The following CD6 variants were observed in gnomAD, a reference collection of about 807,000 sequenced individuals.
CD6 encodes the protein T-cell differentiation antigen CD6.
CD6 carries 53 observed loss-of-function variants against 75.3 expected under a neutral mutation model. The observed-to-expected ratio is 0.70, with a 90% CI of 0.56 to 0.88. The LOEUF (loss-of-function observed/expected upper bound fraction) is 0.88. Ranked by LOEUF, CD6 falls within the 40% of genes least tolerant of loss-of-function variation. CD6 has a pLI of 0.00. For synonymous variants in CD6, 359 were observed against 381.5 expected (o/e 0.94, Z 0.69); for missense variants, 770 against 897.1 (o/e 0.86, Z 1.81).
intron 1 of CD6, among the ~76,000 whole-genome samples, chr11:60,972,517 G>T (rs940381711): frequency 1.3e-5 from 2 of 152,166 alleles, no homozygotes; most frequent in Admixed American, 6.5e-5. Context: ...TGGCCACCTG[G>T]GCCAGGGAAT....
intron 1 of CD6, among the ~76,000 whole-genome samples, chr11:60,983,166 G>A (rs1320276835): frequency 6.6e-6 from 1 of 150,566 alleles, no homozygotes; most frequent in Non-Finnish European, 1.5e-5. Context: ...TTGTGATCTC[G>A]GCTCACTGCA....
intron 1 of CD6, among the ~76,000 whole-genome samples, chr11:60,976,782 T>C (rs1857380217): frequency 6.6e-6 from 1 of 152,222 alleles, no homozygotes; most frequent in Non-Finnish European, 1.5e-5. Context: ...CTCCTTGACC[T>C]ATGAACTCTG....
At chr11:60,985,373 C>T (rs983258941) in intron 1 of CD6, among the ~76,000 whole-genome samples, 2 of 151,576 alleles carry the variant, frequency 1.3e-5, no homozygotes, top group African/African-American at 2.4e-5. Context: ...TTAGTAGAGA[C>T]GGGGTTTCGC....
chr11:61,018,673 T>G, intron 12 of CD6: 5 of 394,720 alleles, frequency 1.3e-5, no homozygotes, highest in Non-Finnish European at 2.2e-5. Context: ...AACTAAATAT[T>G]AGCCAAGGGT....
chr11:60,997,388 A>AAAAAT (rs1216133723), intron 1 of CD6, among the ~76,000 whole-genome samples: 9 of 150,008 alleles, frequency 6.0e-5, no homozygotes, highest in East Asian at 2.0e-4. Flanking sequence ...CAAAAAAAAA[A>AAAAAT]AAAATAAAAT....
At chr11:60,982,738 G>T (rs1857625485) in intron 1 of CD6, 1 of 455,936 alleles carries the variant, frequency 2.2e-6, no homozygotes, top group Non-Finnish European at 4.4e-6. Context: ...CGAGCTGCCA[G>T]CCATCTCCTG....
In CD6 at chr11:61,007,842, G is replaced by A; in HGVS notation, c.401G>A (p.Trp134Ter). 1 of 1,423,700 alleles carries A rather than the reference G, an allele frequency of 7.0e-7. No individual in the cohort carries two copies. The highest frequency in any genetic ancestry group is 9.1e-7 in the Non-Finnish European group (1 of 1,093,412). The allele number at this position is 1,423,700 out of a possible 1,614,324, so 88.2% of individuals were successfully genotyped here. A position where few individuals can be genotyped will look rare whatever the true frequency, so the allele number is the denominator to read the frequency against. The change falls in exon 3 of 13, where the codon TGG (tryptophan) becomes TAG (stop). Residue 134 changes from tryptophan (W) to a stop codon, truncating the protein, a stop_gained. Coordinates refer to ENST00000313421, the MANE Select transcript of CD6 (RefSeq NM_006725.5). LOFTEE classifies it high-confidence loss of function. This position sits in a 1 kb window ranked among gnomAD's most constrained non-coding sequence, Gnocchi z 4.2. ...APALLCSGAEWRLCEVVEHAC... is the reference protein window; with the variant it reads ...APALLCSGAE ...GCCCTCCTGTGCAGCGGCGCCGAGT[G>A]GCGGCTCTGCGAGGTGGTGGAGCAC... is the stretch of plus-strand genomic sequence containing the variant.
chr11:61,013,024 T>A (rs548632619), intron 6 of CD6, among the ~76,000 whole-genome samples: 1 of 152,262 alleles, frequency 6.6e-6, no homozygotes, highest in African/African-American at 2.4e-5. Flanking sequence ...TACTTATTGA[T>A]CTCTCCGCTA....
intron 1 of CD6, among the ~76,000 whole-genome samples, chr11:60,994,465 A>AAAAAAAAAAAAAAC (rs1554993198): frequency 0.12 from 16,788 of 138,088 alleles, 2,277 homozygotes; most frequent in Middle Eastern, 0.23. Flanking sequence ...GCCAAAAAAA[A>AAAAAAAAAAAAAAC]AAAAAAGCTG....
intron 1 of CD6, among the ~76,000 whole-genome samples, chr11:60,996,012 A>G (rs1858279577): frequency 6.6e-6 from 1 of 152,206 alleles, no homozygotes; most frequent in South Asian, 2.1e-4. Flanking sequence ...CCAAAGCAGA[A>G]ATCAGGATGT....
chr11:61,016,070 C>T (rs1459011086), intron 9 of CD6, among the ~76,000 whole-genome samples: 1 of 152,206 alleles, frequency 6.6e-6, no homozygotes, highest in Admixed American at 6.5e-5. Flanking sequence ...TCTGTCTCTC[C>T]CATGTTTGTC....
intron 1 of CD6, among the ~76,000 whole-genome samples, chr11:60,992,547 G>A (rs566996591): frequency 6.6e-6 from 1 of 152,134 alleles, no homozygotes; most frequent in Non-Finnish European, 1.5e-5. Context: ...GGACCTGAGG[G>A]CCGGGCGCTG....
chr11:61,000,826 C>A (rs1858547857), intron 1 of CD6, among the ~76,000 whole-genome samples: 1 of 152,206 alleles, frequency 6.6e-6, no homozygotes, highest in Non-Finnish European at 1.5e-5. Context: ...GTCTCCTCCG[C>A]AGCCCGTTCC....
intron 1 of CD6, among the ~76,000 whole-genome samples, chr11:60,975,118 C>G (rs1200483814): frequency 1.8e-5 from 1 of 56,828 alleles, no homozygotes; most frequent in Non-Finnish European, 3.5e-5. Context: ...GTTCAACATA[C>G]TAATCATATT....
intron 5 of CD6, among the ~76,000 whole-genome samples, chr11:61,010,765 A>G (rs1859101082): frequency 6.6e-6 from 1 of 152,242 alleles, no homozygotes; most frequent in Admixed American, 6.5e-5. Context: ...CTGATTAAGA[A>G]CAAACTGAAA....
chr11:61,013,375 G>T, intron 6 of CD6, 48 bp from the exon 7 acceptor site: 1 of 1,605,908 alleles, frequency 6.2e-7, no homozygotes, highest in Non-Finnish European at 8.5e-7. Context: ...AAGAAGAAGG[G>T]TGAGTGCCCA....
In CD6 at chr11:61,007,955, C is replaced by A. The variant is rs1340181906; in HGVS notation, c.469+45C>A. The A allele has an allele frequency of 7.4e-6, 9 of 1,218,622 alleles. No homozygotes were observed. The highest frequency in any genetic ancestry group is 9.4e-6 in the Non-Finnish European group (9 of 954,946). 75.5% of individuals were successfully genotyped at this position (1,218,622 alleles called of 1,614,324 possible). ...ACGGGCCCCCACCTGCCCCACTCCC[C>A]AGGCCTTCAGCCACTGCCCCTGGCT... is the stretch of plus-strand genomic sequence containing the variant. On this transcript the variant is annotated intron_variant, in intron 3 of 12. Coordinates refer to ENST00000313421, the MANE Select transcript of CD6 (RefSeq NM_006725.5). This position sits in a 1 kb window ranked among gnomAD's most constrained non-coding sequence, Gnocchi z 4.2.
intron 1 of CD6, among the ~76,000 whole-genome samples, chr11:60,983,216 C>T (rs1404072182): frequency 6.6e-6 from 1 of 151,882 alleles, no homozygotes; most frequent in East Asian, 1.9e-4. Context: ...CGTGCCTCAG[C>T]CTCCCGAGTA....
chr11:61,016,110 C>T (rs1859392950), intron 9 of CD6, among the ~76,000 whole-genome samples: 1 of 152,206 alleles, frequency 6.6e-6, no homozygotes, highest in African/African-American at 2.4e-5. Context: ...AAGACCAGGC[C>T]TTTGACATTC....
Sources: gnomAD v4.1 joint callset for allele counts (sites outside exome capture counted in the v4.1 genomes callset) on GRCh38, gnomAD v4.1.1 for gene constraint, Gnocchi (gnomAD v3.1) non-coding constraint, MANE v1.5 for transcripts, NCBI Gene and HGNC (gene_info 2026-07-23, HGNC 2026-07-21) for gene names.